GLT1D1: variants seen among roughly 807,000 people sequenced by gnomAD.
GLT1D1 encodes the protein glycosyltransferase 1 domain containing 1.
GLT1D1 carries 21 observed loss-of-function variants against 28.7 expected under a neutral mutation model. That is an observed-to-expected ratio of 0.73 (90% CI 0.52 to 1.05). GLT1D1 has a LOEUF of 1.05. Among genes scored for constraint, GLT1D1 ranks in the 50% least tolerant of loss-of-function variants. The probability of loss-of-function intolerance (pLI) is 0.00; values close to 1 mark genes in which losing one functional copy is unlikely to be tolerated. For missense variants in GLT1D1, 343 were observed against 330.6 expected (o/e 1.04, Z -0.29); for synonymous variants, 147 against 124.8 (o/e 1.18, Z -1.19).
At chr12:128,890,774 G>A (rs1868956228) in intron 3 of GLT1D1, among the ~76,000 whole-genome samples, 1 of 152,132 alleles carries the variant, frequency 6.6e-6, no homozygotes, top group Non-Finnish European at 1.5e-5. Context: ...TGAGGCAGGT[G>A]GATCACCTGA....
At chr12:128,915,195 T>A (rs941256255) in intron 4 of GLT1D1, among the ~76,000 whole-genome samples, 1 of 152,178 alleles carries the variant, frequency 6.6e-6, no homozygotes, top group Non-Finnish European at 1.5e-5. Flanking sequence ...CTCTGGCCCT[T>A]TCTGATGCTG....
intron 3 of GLT1D1, among the ~76,000 whole-genome samples, chr12:128,898,800 G>A (rs1424767965): frequency 6.6e-6 from 1 of 152,230 alleles, no homozygotes; most frequent in Non-Finnish European, 1.5e-5. Flanking sequence ...AAAGGAGGGA[G>A]ATGATAACAG....
chr12:128,884,613 G>A (rs1010512991), intron 2 of GLT1D1, among the ~76,000 whole-genome samples: 3 of 152,054 alleles, frequency 2.0e-5, no homozygotes, highest in Non-Finnish European at 2.9e-5. Context: ...TCACGAGTTC[G>A]AGAGCTGCCT....
chr12:128,888,620 G>T lies in GLT1D1; in HGVS notation c.218-19G>T. The T allele has an allele frequency of 6.5e-7, 1 of 1,549,862 alleles. No homozygotes were observed. The highest frequency in any genetic ancestry group is 8.9e-7 in the Non-Finnish European group (1 of 1,123,932). On this transcript the variant is annotated intron_variant, in intron 2 of 7. Coordinates refer to ENST00000281703, the MANE Select transcript of GLT1D1 (RefSeq NM_144669.3). ...TTTTTAGGGCTAAATTCTGCTTTGT[G>T]ACTGTCATCGTTTTGCAGGCCACCG... is the stretch of plus-strand genomic sequence containing the variant.
intron 7 of GLT1D1, among the ~76,000 whole-genome samples, chr12:128,970,921 C>G (rs975908503): frequency 1.3e-5 from 2 of 152,246 alleles, no homozygotes; most frequent in Admixed American, 6.5e-5. Flanking sequence ...CTGATATGGA[C>G]TGGGTGCTCA....
intron 4 of GLT1D1, among the ~76,000 whole-genome samples, chr12:128,908,007 A>G (rs1186935065): frequency 4.6e-5 from 7 of 152,226 alleles, no homozygotes. Flanking sequence ...CTGTTTCTTG[A>G]GTCGCCCCAG....
chr12:128,903,396 A>G (rs913586827), intron 4 of GLT1D1, among the ~76,000 whole-genome samples: 5 of 151,546 alleles, frequency 3.3e-5, no homozygotes, highest in Non-Finnish European at 5.9e-5. Context: ...CCTCCTTCCC[A>G]TTGACCAAAG....
intron 1 of GLT1D1, among the ~76,000 whole-genome samples, chr12:128,872,912 A>C (rs1956735042): frequency 6.6e-6 from 1 of 151,584 alleles, no homozygotes; most frequent in African/African-American, 2.4e-5. Flanking sequence ...TTTCATTTTG[A>C]GACAGGGTCT....
At chr12:128,915,030 A>C (rs1225265735) in intron 4 of GLT1D1, 41 bp downstream of exon 6, 1 of 1,448,168 alleles carries the variant, frequency 6.9e-7, no homozygotes, top group African/African-American at 1.4e-5. Flanking sequence ...GATGAAGTGC[A>C]TCTTGTCAGT....
intron 7 of GLT1D1, among the ~76,000 whole-genome samples, chr12:128,972,323 G>T (rs1879261250): frequency 6.6e-6 from 1 of 152,256 alleles, no homozygotes; most frequent in South Asian, 2.1e-4. Context: ...CCACGTGTAG[G>T]TAGCTGCGGG....
intron 4 of GLT1D1, among the ~76,000 whole-genome samples, chr12:128,913,807 G>A (rs186586794): frequency 5.3e-5 from 8 of 152,314 alleles, no homozygotes; most frequent in Non-Finnish European, 1.0e-4. Context: ...TGAACACAGC[G>A]TCTACCACCT....
intron 4 of GLT1D1, among the ~76,000 whole-genome samples, chr12:128,934,200 T>TC (rs1391329607): frequency 7.1e-6 from 1 of 140,982 alleles, no homozygotes. Context: ...GAGACAGTCT[T>TC]TTTTTTTTTT....
At chr12:128,958,798 A>T (rs1877580089) in intron 7 of GLT1D1, among the ~76,000 whole-genome samples, 1 of 129,588 alleles carries the variant, frequency 7.7e-6, no homozygotes. Flanking sequence ...GTCACTACGT[A>T]TGCCTCTTGT....
At position 128,876,065 on chromosome 12, in the gene GLT1D1, A is replaced by G; in HGVS notation, c.217+3A>G. On this transcript the variant is annotated splice_donor_region_variant and intron_variant, in intron 2 of 7. Coordinates refer to ENST00000281703, the MANE Select transcript of GLT1D1 (RefSeq NM_144669.3). Reference sequence around the variant, plus strand: ...TAGGGGAGGCAGGCTTTTGCAAGGTAATCCTCTTTTTCTTCAAAAGTAAAA... The same window carrying G: ...TAGGGGAGGCAGGCTTTTGCAAGGTGATCCTCTTTTTCTTCAAAAGTAAAA... 1 of 1,596,418 alleles carries G rather than the reference A, an allele frequency of 6.3e-7. No homozygotes were observed.
chr12:128,941,654 C>A (rs1289257235), intron 4 of GLT1D1, among the ~76,000 whole-genome samples: 1 of 145,506 alleles, frequency 6.9e-6, no homozygotes, highest in Non-Finnish European at 1.5e-5. Context: ...CTCACTGCAA[C>A]CTCCGCACCC....
intron 4 of GLT1D1, among the ~76,000 whole-genome samples, chr12:128,913,949 C>T (rs756323427): frequency 2.6e-5 from 4 of 152,154 alleles, no homozygotes; most frequent in African/African-American, 9.7e-5. Flanking sequence ...TACATGCAGT[C>T]GGAGCCCAGG....
At chr12:128,919,136 G>A (rs1021719961) in intron 4 of GLT1D1, among the ~76,000 whole-genome samples, 2 of 152,100 alleles carry the variant, frequency 1.3e-5, no homozygotes, top group African/African-American at 2.4e-5. Context: ...TGTCTTTGTC[G>A]TCTCTCAGGC....
At chr12:128,942,735 G>GTTTTTTTTTTTTTTTTTTTT (rs1397894974) in intron 4 of GLT1D1, among the ~76,000 whole-genome samples, 8 of 89,564 alleles carry the variant, frequency 8.9e-5, no homozygotes, top group African/African-American at 3.0e-4. Flanking sequence ...AATTTTCTTT[G>GTTTTTTTTTTTTTTTTTTTT]TTTGTTTGTT....
chr12:128,915,068 C>A, intron 4 of GLT1D1, 79 bp downstream of exon 6: 3 of 1,182,984 alleles, frequency 2.5e-6, no homozygotes, highest in Non-Finnish European at 3.6e-6. Context: ...GACGTTCATG[C>A]GGTTTTGAAA....
Sources: gnomAD v4.1 joint callset for allele counts (sites outside exome capture counted in the v4.1 genomes callset) on GRCh38, gnomAD v4.1.1 for gene constraint, MANE v1.5 for transcripts, NCBI Gene and HGNC (gene_info 2026-07-23, HGNC 2026-07-21) for gene names.